The following HHAT variants were observed in gnomAD, a reference collection of about 807,000 sequenced individuals.
HHAT encodes the protein protein-cysteine N-palmitoyltransferase HHAT.
HHAT carries 47 observed loss-of-function variants against 70.8 expected under a neutral mutation model. The observed-to-expected ratio is 0.66, with a 90% CI of 0.53 to 0.85. HHAT has a LOEUF of 0.85. Among genes scored for constraint, HHAT ranks in the 40% least tolerant of loss-of-function variants. The pLI is 0.00. For missense variants in HHAT, 609 were observed against 604.8 expected (o/e 1.01, Z -0.07); for synonymous variants, 228 against 247.6 (o/e 0.92, Z 0.74).
chr1:210,429,645 G>A (rs572181652), intron 7 of HHAT, among the ~76,000 whole-genome samples: 1 of 151,142 alleles, frequency 6.6e-6, no homozygotes, highest in Non-Finnish European at 1.5e-5. Flanking sequence ...GCTTCATATT[G>A]TATCTGTGGG....
At chr1:210,452,489 C>G (rs2093775362) in intron 7 of HHAT, among the ~76,000 whole-genome samples, 1 of 152,234 alleles carries the variant, frequency 6.6e-6, no homozygotes, top group African/African-American at 2.4e-5. Flanking sequence ...AGTTTTCTTT[C>G]ATCTGTACTC....
chr1:210,617,117 T>C (rs1298658261), intron 10 of HHAT, among the ~76,000 whole-genome samples: 1 of 152,250 alleles, frequency 6.6e-6, no homozygotes, highest in Non-Finnish European at 1.5e-5. Context: ...GTTGCTCTCC[T>C]GAGCTGACAT....
At chr1:210,344,155 A>AT (rs1299515022) in intron 1 of HHAT, among the ~76,000 whole-genome samples, 1 of 152,028 alleles carries the variant, frequency 6.6e-6, no homozygotes, top group Non-Finnish European at 1.5e-5. Context: ...CAATTCCTAA[A>AT]TTTTGGGGGT....
rs527717882 is a variant in HHAT at position 210,357,268 on chromosome 1, C to T, written c.92-5584C>T. Reference sequence around the variant, plus strand: ...AGGAGCACTACCTCAAAACATGGCACCTTGGCATTTGAGAAAACAGCAGAA... The same window carrying T: ...AGGAGCACTACCTCAAAACATGGCATCTTGGCATTTGAGAAAACAGCAGAA... On this transcript the variant is annotated intron_variant, in intron 2 of 11. Coordinates refer to ENST00000261458, the MANE Select transcript of HHAT (RefSeq NM_018194.6). Among the ~76,000 whole-genome samples the T allele has an allele frequency of 9.2e-5, 14 of 152,116 alleles. No homozygotes were observed. The South Asian group carries it at 1.0e-3, about 11-fold the overall frequency.
In HHAT at chr1:210,674,566, T is replaced by A. The variant is rs182831221; in HGVS notation, c.*187T>A. ...AGCCAGACAATCTTCTAATCTGGAG[T>A]CTTTGAGATCTTCTACCCCAACTCA... On this transcript the variant is annotated 3_prime_UTR_variant, in exon 12 of 12. Coordinates refer to ENST00000261458, the MANE Select transcript of HHAT (RefSeq NM_018194.6). 4 of 568,574 alleles carry A rather than the reference T, an allele frequency of 7.0e-6. No homozygotes were observed. In the Admixed American group the frequency reaches 1.3e-4, roughly 18 times the overall value. 35.2% of individuals were successfully genotyped at this position (568,574 alleles called of 1,614,324 possible). A position where few individuals can be genotyped will look rare whatever the true frequency, so the allele number is the denominator to read the frequency against.
chr1:210,345,638 G>A (rs2086452896), intron 1 of HHAT, among the ~76,000 whole-genome samples: 1 of 152,172 alleles, frequency 6.6e-6, no homozygotes. Context: ...TGATGTTTTT[G>A]TGACCAGAAA....
intron 8 of HHAT, among the ~76,000 whole-genome samples, chr1:210,474,434 A>C (rs1487574355): frequency 2.6e-5 from 4 of 152,074 alleles, no homozygotes; most frequent in Non-Finnish European, 5.9e-5. Context: ...GGGACTATAG[A>C]TGTGCACCAC....
chr1:210,427,045 T>A (rs565501796), intron 7 of HHAT, among the ~76,000 whole-genome samples: 1 of 152,278 alleles, frequency 6.6e-6, no homozygotes, highest in South Asian at 2.1e-4. Context: ...AGGAATTCAG[T>A]TCTTTTCCTG....
At chr1:210,602,600 A>G (rs546926084) in intron 10 of HHAT, among the ~76,000 whole-genome samples, 1 of 152,240 alleles carries the variant, frequency 6.6e-6, no homozygotes, top group South Asian at 2.1e-4. Context: ...TTTGAATGCC[A>G]TGCTTAGAAA....
At chr1:210,550,585 G>A (rs2095519786) in intron 9 of HHAT, among the ~76,000 whole-genome samples, 2 of 149,130 alleles carry the variant, frequency 1.3e-5, no homozygotes, top group African/African-American at 5.0e-5. Context: ...GACTAGGGAT[G>A]AGGGAGAGAG....
intron 10 of HHAT, among the ~76,000 whole-genome samples, 154 bp from the exon 11 acceptor site, chr1:210,623,372 C>T (rs140899658): frequency 5.9e-5 from 9 of 152,324 alleles, no homozygotes; most frequent in African/African-American, 2.2e-4. Context: ...CACGCCCAGA[C>T]AGGAATTGAA....
chr1:210,400,820 T>C (rs1360609904), intron 5 of HHAT, among the ~76,000 whole-genome samples, 158 bp downstream of exon 5: 2 of 152,192 alleles, frequency 1.3e-5, no homozygotes, highest in African/African-American at 4.8e-5. Context: ...TGAACCCTAG[T>C]GGTGCATTCT....
intron 2 of HHAT, among the ~76,000 whole-genome samples, chr1:210,357,045 A>G (rs2087710135): frequency 6.6e-6 from 1 of 152,246 alleles, no homozygotes; most frequent in Admixed American, 6.5e-5. Flanking sequence ...CAAGGCTCCA[A>G]ACATTCTGTT....
intron 1 of HHAT, among the ~76,000 whole-genome samples, chr1:210,347,806 T>TTCACCTCTTCATCC (rs1475218307): frequency 1.3e-5 from 2 of 152,178 alleles, no homozygotes; most frequent in Non-Finnish European, 2.9e-5. Flanking sequence ...CCATGTGGCT[T>TTCACCTCTTCATCC]TCACCTCTTC....
At chr1:210,455,740 A>G (rs1183995805) in intron 7 of HHAT, among the ~76,000 whole-genome samples, 1 of 152,166 alleles carries the variant, frequency 6.6e-6, no homozygotes, top group Non-Finnish European at 1.5e-5. Context: ...CCTTAGTTTA[A>G]GAAATAAAAT....
intron 7 of HHAT, among the ~76,000 whole-genome samples, chr1:210,419,322 A>G (rs2092822752): frequency 6.6e-6 from 1 of 152,154 alleles, no homozygotes; most frequent in South Asian, 2.1e-4. Flanking sequence ...GGGAGGTGGC[A>G]TGGAAGTCTT....
intron 8 of HHAT, among the ~76,000 whole-genome samples, chr1:210,489,964 G>C (rs1476928969): frequency 2.0e-5 from 3 of 152,114 alleles, no homozygotes; most frequent in African/African-American, 4.8e-5. Context: ...AGTCCTCAAC[G>C]ACTTTTACAT....
At chr1:210,507,748 G>A (rs2094885598) in intron 8 of HHAT, among the ~76,000 whole-genome samples, 1 of 152,022 alleles carries the variant, frequency 6.6e-6, no homozygotes, top group Non-Finnish European at 1.5e-5. Flanking sequence ...TGAACTCTTT[G>A]GAAGGAACAT....
chr1:210,514,354 A>T (rs1291864177), intron 9 of HHAT, among the ~76,000 whole-genome samples: 1 of 152,208 alleles, frequency 6.6e-6, no homozygotes, highest in East Asian at 1.9e-4. Context: ...CACAGCAAGG[A>T]TAAATACATT....
Sources: allele counts gnomAD v4.1 joint callset (sites outside exome capture counted in the v4.1 genomes callset), GRCh38; gene constraint gnomAD v4.1.1; transcripts MANE v1.5; gene names NCBI Gene and HGNC (gene_info 2026-07-23, HGNC 2026-07-21).